IGSF10: variants seen among roughly 807,000 people sequenced by gnomAD.
IGSF10 encodes the protein calvaria mechanical force protein 608.
A neutral mutation model predicts 128.2 loss-of-function variants in IGSF10; 126 were observed. That is an observed-to-expected ratio of 0.98 (90% CI 0.85 to 1.14). The LOEUF is 1.14. Among genes scored for constraint, IGSF10 ranks in the 50% most tolerant of loss-of-function variants. IGSF10 has a pLI of 0.00. For missense variants in IGSF10, 3,295 were observed against 3,149.8 expected, an observed-to-expected ratio of 1.05 and a Z score of -1.10; for synonymous variants, 1,185 against 1,146.2, an observed-to-expected ratio of 1.03 and a Z score of -0.68.
At chr3:151,509,697 T>C in the IGSF10 span, among the ~76,000 whole-genome samples, 1 of 152,146 alleles carries the variant, frequency 6.6e-6, no homozygotes, top group Admixed American at 6.5e-5. Flanking sequence ...ACCCGGGAAG[T>C]GCAAGGGGTT....
the IGSF10 span, among the ~76,000 whole-genome samples, chr3:151,579,146 G>A: frequency 1.3e-5 from 2 of 152,202 alleles, no homozygotes; most frequent in Admixed American, 1.3e-4. Context: ...AGAGAAATCT[G>A]AGGCCAGTGG....
At chr3:151,457,693 A>C (rs1391026947) in intron 3 of IGSF10, among the ~76,000 whole-genome samples, 1 of 152,190 alleles carries the variant, frequency 6.6e-6, no homozygotes, top group Non-Finnish European at 1.5e-5. Context: ...AAATGTAAAT[A>C]ATAGAACTCA....
At chr3:151,550,790 G>A in the IGSF10 span, among the ~76,000 whole-genome samples, 1 of 152,110 alleles carries the variant, frequency 6.6e-6, no homozygotes. Flanking sequence ...CATGTACCCT[G>A]GAGTTGATCC....
chr3:151,456,929 G>T, intron 4 of IGSF10, 97 bp downstream of exon 4: 1 of 1,191,692 alleles, frequency 8.4e-7, no homozygotes, highest in African/African-American at 1.5e-5. Flanking sequence ...ACAGAATGTT[G>T]ATTTTCGTAT....
the IGSF10 span, among the ~76,000 whole-genome samples, chr3:151,584,982 C>T: frequency 6.6e-6 from 1 of 152,122 alleles, no homozygotes. Context: ...TTTGTATTTA[C>T]AAATTTTCTG....
the IGSF10 span, among the ~76,000 whole-genome samples, chr3:151,526,019 C>A: frequency 6.6e-6 from 1 of 152,200 alleles, no homozygotes. Context: ...ATTCTTCCTG[C>A]CACACCAATT....
intron 7 of IGSF10, among the ~76,000 whole-genome samples, chr3:151,441,867 C>CT (rs1352482533): frequency 6.6e-6 from 1 of 152,142 alleles, no homozygotes; most frequent in Non-Finnish European, 1.5e-5. Flanking sequence ...CAAGACCATC[C>CT]TGGCTAACAT....
the IGSF10 span, among the ~76,000 whole-genome samples, chr3:151,507,787 T>C: frequency 6.6e-6 from 1 of 152,154 alleles, no homozygotes; most frequent in Non-Finnish European, 1.5e-5. Flanking sequence ...AAATTCAAGA[T>C]GAGATTTGGG....
At position 151,443,734 on chromosome 3, in the gene IGSF10, A is replaced by T; in HGVS notation, c.5213T>A (p.Leu1738Ter). 1 of 1,614,168 alleles carries T rather than the reference A, an allele frequency of 6.2e-7. No homozygotes were observed. Residue 1738 changes from leucine to a stop codon, truncating the protein, a stop_gained, in exon 7 of 8, where the codon TTG becomes TAG. Coordinates refer to ENST00000282466, the MANE Select transcript of IGSF10 (RefSeq NM_178822.5). LOFTEE classifies it high-confidence loss of function. ...LFGTDHLHVTLSVVSYPPRIL... is the reference protein window; with the variant it reads ...LFGTDHLHVT ...CCTGGGAGGATAGGAAACCACAGAC[A>T]AGGTGACATGAAGGTGGTCTGTGCC...
Position 151,445,939 on chromosome 3 carries a change from G to T in IGSF10, c.4042C>A (p.Gln1348Lys), listed in dbSNP as rs147636244. The change falls in exon 6 of 8, where the codon CAG becomes AAG. Residue 1348 changes from glutamine (Q) to lysine (K), a missense_variant. Coordinates refer to ENST00000282466, the MANE Select transcript of IGSF10 (RefSeq NM_178822.5). Reference sequence around the variant, plus strand: ...GTCCTGTTCTTCTTTTGAGGCTCCTGTTCTCTTTGTATTGTTTGTGCTCTA... The same window carrying T: ...GTCCTGTTCTTCTTTTGAGGCTCCTTTTCTCTTTGTATTGTTTGTGCTCTA... ...RSRAQTIQRE[Q>K]EPQKKNRTDP... The T allele has an allele frequency of 1.2e-4, 193 of 1,614,118 alleles. No homozygotes were observed. In the African/African-American group the frequency reaches 2.4e-3, roughly 20 times the overall value.
the IGSF10 span, among the ~76,000 whole-genome samples, chr3:151,603,254 G>T: frequency 6.6e-6 from 1 of 152,176 alleles, no homozygotes; most frequent in African/African-American, 2.4e-5. Context: ...TGTTCTGTAG[G>T]CCTGATCTTA....
the IGSF10 span, among the ~76,000 whole-genome samples, chr3:151,515,551 A>G: frequency 0.3 from 44,781 of 151,104 alleles, 7,355 homozygotes; most frequent in Middle Eastern, 0.41. Flanking sequence ...GCACACCAAC[A>G]TGGCACATGT....
At chr3:151,546,653 A>G in the IGSF10 span, among the ~76,000 whole-genome samples, 1 of 152,062 alleles carries the variant, frequency 6.6e-6, no homozygotes, top group African/African-American at 2.4e-5. Context: ...TTTTGGCAAC[A>G]TTATATACAC....
At chr3:151,571,188 G>A in the IGSF10 span, among the ~76,000 whole-genome samples, 628 of 152,152 alleles carry the variant, frequency 4.1e-3, 4 homozygotes, top group Non-Finnish European at 6.2e-3. Flanking sequence ...TTGTTCTTTT[G>A]GTTTAAGATT....
upstream of IGSF10, chr3:151,461,258 G>A: frequency 6.1e-6 from 6 of 985,356 alleles, no homozygotes; most frequent in Non-Finnish European, 7.2e-6. Flanking sequence ...CTGGCTGGGT[G>A]GCAGAGCAGT....
At chr3:151,443,988 T>G in intron 6 of IGSF10, 104 bp from the exon 7 acceptor site, 1 of 901,804 alleles carries the variant, frequency 1.1e-6, no homozygotes, top group South Asian at 1.9e-5. Context: ...TAAATTAAAA[T>G]GAAAGCCCAG....
the IGSF10 span, among the ~76,000 whole-genome samples, chr3:151,544,825 T>G: frequency 6.6e-6 from 1 of 152,224 alleles, no homozygotes; most frequent in Non-Finnish European, 1.5e-5. Context: ...GAAATTGTCT[T>G]ATTTTACTTC....
the IGSF10 span, among the ~76,000 whole-genome samples, chr3:151,512,376 G>A: frequency 1.9e-4 from 29 of 152,214 alleles, no homozygotes; most frequent in African/African-American, 6.0e-4. Flanking sequence ...GGTACATAAC[G>A]AAATGAAGGC....
the IGSF10 span, among the ~76,000 whole-genome samples, chr3:151,525,259 GT>G: frequency 1.3e-5 from 2 of 151,910 alleles, 1 homozygote; most frequent in South Asian, 4.2e-4. Context: ...ACAAATTCGA[GT>G]AGTTTACGGA....
Sources: gnomAD v4.1 joint callset for allele counts (sites outside exome capture counted in the v4.1 genomes callset) on GRCh38, gnomAD v4.1.1 for gene constraint, MANE v1.5 for transcripts, NCBI Gene and HGNC (gene_info 2026-07-23, HGNC 2026-07-21) for gene names.